USP37: variants seen among roughly 807,000 people sequenced by gnomAD.
The protein encoded by USP37 is ubiquitin specific peptidase 37, also known as ubiquitin carboxyl-terminal hydrolase 37.
A neutral mutation model predicts 124.0 loss-of-function variants in USP37; 27 were observed. The ratio of observed to expected loss-of-function variants is 0.22; its 90% CI spans 0.16 to 0.30. USP37 has a LOEUF of 0.30. Among genes scored for constraint, USP37 ranks in the 10% least tolerant of loss-of-function variants. The pLI, the probability that USP37 is intolerant of heterozygous loss-of-function variation, is 1.00. For synonymous variants in USP37, 365 were observed against 388.0 expected (o/e 0.94, Z 0.70); for missense variants, 889 against 1,140.4 (o/e 0.78, Z 3.17).
chr2:218,460,017 G>A, intron 22 of USP37, 112 bp from the exon 23 acceptor site: 1 of 624,328 alleles, frequency 1.6e-6, no homozygotes, highest in Non-Finnish European at 2.7e-6. Context: ...GATCACCTGA[G>A]GTCAGGAGTT....
chr2:218,480,601 G>A lies in USP37; in HGVS notation c.1836-886C>T, dbSNP rs559636684. 6.6e-5 allele frequency among the ~76,000 whole-genome samples: 10 copies of A among 152,246 alleles called. No homozygotes were observed. The South Asian group carries it at 1.9e-3, about 28-fold the overall frequency. ...AAAGTAATAGCTCTCATTTATGGAGGATTTACTGGATGTCAGACACTGTGC... is the reference window on the plus strand; with the variant it reads ...AAAGTAATAGCTCTCATTTATGGAGAATTTACTGGATGTCAGACACTGTGC... On this transcript the variant is annotated intron_variant, in intron 17 of 25. Coordinates refer to ENST00000258399, the MANE Select transcript of USP37 (RefSeq NM_020935.3).
At chr2:218,519,587 C>A (rs2106012378) in intron 10 of USP37, among the ~76,000 whole-genome samples, 1 of 152,110 alleles carries the variant, frequency 6.6e-6, no homozygotes, top group South Asian at 2.1e-4. Context: ...TTCCTCCTCC[C>A]TTCTCGGTTT....
At position 218,451,910 on chromosome 2, in the gene USP37, G is replaced by C. The variant is rs1200739707; in HGVS notation, c.*3020C>G. On this transcript the variant is annotated 3_prime_UTR_variant, in exon 26 of 26. Transcript: ENST00000258399. ...GAATCAAAGTATTAATAGAAGACCA[G>C]TTCATGGATTTGCTTATTCTATCCT... 6.6e-6 allele frequency: 1 copy of C among 152,570 alleles called. No homozygotes were observed. Among genetic ancestry groups the C allele is most frequent in the Non-Finnish European group, 1.5e-5 (1 of 68,026 alleles). 9.5% of individuals were successfully genotyped at this position (152,570 alleles called of 1,614,324 possible). A position where few individuals can be genotyped will look rare whatever the true frequency, so the allele number is the denominator to read the frequency against.
At position 218,562,690 on chromosome 2, in the gene USP37, C is replaced by T. The variant is rs918521151; in HGVS notation, c.-106G>A. The T allele has an allele frequency of 2.5e-5, 10 of 398,372 alleles. No homozygotes were observed. The highest frequency in any genetic ancestry group is 8.2e-5 in the African/African-American group (4 of 48,594). The allele number at this position is 398,372 out of a possible 1,614,324, so 24.7% of individuals were successfully genotyped here. On this transcript the variant is annotated 5_prime_UTR_variant, in exon 2 of 26. Coordinates refer to ENST00000258399, the MANE Select transcript of USP37 (RefSeq NM_020935.3). The stretch of plus-strand genomic sequence containing the variant: ...TTACTTACTTTTCAGTGACTTTTAC[C>T]GAAAAACCCTATGTAATAGCAATTC...
intron 20 of USP37, among the ~76,000 whole-genome samples, 170 bp from the exon 21 acceptor site, chr2:218,466,346 G>A (rs1362489934): frequency 6.6e-6 from 1 of 152,094 alleles, no homozygotes; most frequent in South Asian, 2.1e-4. Flanking sequence ...TCAACCTAGA[G>A]CTATTGACAT....
chr2:218,533,988 T>C (rs1477286868), intron 9 of USP37, among the ~76,000 whole-genome samples: 2 of 152,226 alleles, frequency 1.3e-5, no homozygotes, highest in African/African-American at 4.8e-5. Context: ...CTAACACTGA[T>C]GCACTTTAAT....
intron 13 of USP37, among the ~76,000 whole-genome samples, chr2:218,496,746 T>A (rs1689102106): frequency 6.6e-6 from 1 of 152,074 alleles, no homozygotes; most frequent in African/African-American, 2.4e-5. Flanking sequence ...CCTCCAGGGT[T>A]CAACCGATTA....
intron 11 of USP37, among the ~76,000 whole-genome samples, chr2:218,499,304 C>T (rs1689243000): frequency 1.3e-5 from 2 of 151,848 alleles, no homozygotes; most frequent in Non-Finnish European, 2.9e-5. Flanking sequence ...AAAAAAAAAC[C>T]TTTTAATTTA....
Position 218,452,433 on chromosome 2 carries a change from C to T in USP37, c.*2497G>A, listed in dbSNP as rs1384328728. The T allele has an allele frequency of 2.6e-5, 4 of 151,940 alleles. No homozygotes were observed. Among genetic ancestry groups the T allele is most frequent in the Non-Finnish European group, 5.9e-5 (4 of 67,974 alleles). 9.4% of individuals were successfully genotyped at this position (151,940 alleles called of 1,614,324 possible). A position where few individuals can be genotyped will look rare whatever the true frequency, so the allele number is the denominator to read the frequency against. ...GCCAGCTCAAAAACAACAACAAACC[C>T]CATCAACATAGTCCAGCTGAAATCT... On this transcript the variant is annotated 3_prime_UTR_variant, in exon 26 of 26. Coordinates refer to ENST00000258399, the MANE Select transcript of USP37 (RefSeq NM_020935.3).
intron 7 of USP37, 138 bp downstream of exon 7, chr2:218,546,781 T>C (rs757582736): frequency 3.5e-5 from 33 of 954,000 alleles, no homozygotes; most frequent in Non-Finnish European, 4.6e-5. Context: ...ATAAACTACA[T>C]ATGACAAATA....
intron 20 of USP37, among the ~76,000 whole-genome samples, chr2:218,470,112 G>A (rs949971806): frequency 7.2e-5 from 11 of 152,068 alleles, no homozygotes; most frequent in African/African-American, 2.2e-4. Context: ...GAGCCACTGC[G>A]TGTGGCCTTA....
intron 21 of USP37, 150 bp from the exon 22 acceptor site, chr2:218,463,516 G>A: frequency 1.6e-6 from 1 of 623,220 alleles, no homozygotes; most frequent in East Asian, 2.9e-5. Flanking sequence ...TGAGGAATGT[G>A]GGGAAGTTCT....
intron 10 of USP37, among the ~76,000 whole-genome samples, chr2:218,524,260 T>C (rs938602546): frequency 6.6e-6 from 1 of 152,198 alleles, no homozygotes; most frequent in Non-Finnish European, 1.5e-5. Context: ...CTAGATTAGT[T>C]ATGTAGCCTT....
intron 1 of USP37, among the ~76,000 whole-genome samples, chr2:218,563,834 A>C (rs1574972143): frequency 6.6e-6 from 1 of 152,144 alleles, no homozygotes; most frequent in Non-Finnish European, 1.5e-5. Flanking sequence ...CAGGCAGATC[A>C]CCTGAGGTCA....
chr2:218,492,341 C>T (rs1043958569), intron 14 of USP37, among the ~76,000 whole-genome samples: 3 of 152,004 alleles, frequency 2.0e-5, no homozygotes, highest in African/African-American at 4.8e-5. Flanking sequence ...AAGCTCATTT[C>T]GTTAAAATAG....
chr2:218,531,629 G>T (rs1691332910), intron 9 of USP37, among the ~76,000 whole-genome samples: 1 of 152,222 alleles, frequency 6.6e-6, no homozygotes, highest in South Asian at 2.1e-4. Flanking sequence ...TGATCCCTCT[G>T]ATGGAGCTAG....
chr2:218,494,302 T>C (rs1688957330), intron 14 of USP37, among the ~76,000 whole-genome samples: 1 of 152,212 alleles, frequency 6.6e-6, no homozygotes, highest in African/African-American at 2.4e-5. Flanking sequence ...AGAACCAATA[T>C]GGATTATGAA....
intron 10 of USP37, among the ~76,000 whole-genome samples, chr2:218,527,103 G>A (rs756953172): frequency 2.6e-5 from 4 of 152,012 alleles, no homozygotes; most frequent in Non-Finnish European, 5.9e-5. Context: ...TTATCATCTC[G>A]GTTTCCTTGC....
chr2:218,506,476 A>G (rs1043235348), intron 11 of USP37, among the ~76,000 whole-genome samples: 5 of 151,402 alleles, frequency 3.3e-5, no homozygotes, highest in Non-Finnish European at 7.4e-5. Flanking sequence ...TTTTTAGTAG[A>G]GATGGGGTTT....
Sources: allele counts gnomAD v4.1 joint callset (sites outside exome capture counted in the v4.1 genomes callset), GRCh38; gene constraint gnomAD v4.1.1; transcripts MANE v1.5; gene names NCBI Gene and HGNC (gene_info 2026-07-23, HGNC 2026-07-21).